The following DKK2 variants were observed in gnomAD, a reference collection of about 807,000 sequenced individuals.
DKK2 encodes dickkopf-related protein 2.
DKK2 carries 11 observed loss-of-function variants against 28.1 expected under a neutral mutation model. The observed-to-expected ratio is 0.39, with a 90% CI of 0.25 to 0.65. The LOEUF (loss-of-function observed/expected upper bound fraction) is 0.65, where lower values mean the gene tolerates loss of function less well. Ranked by LOEUF, DKK2 falls within the 30% of genes least tolerant of loss-of-function variation. The pLI is 0.47. For synonymous variants in DKK2, 135 were observed against 126.5 expected (o/e 1.07, Z -0.45); for missense variants, 326 against 335.5 (o/e 0.97, Z 0.22).
rs113396519 is a variant in DKK2 at position 106,966,969 on chromosome 4, C to T, written c.223-41020G>A. Reference sequence around the variant, plus strand: ...ACAGCCAAACCATATCAATTTCCTTCATTACTATAGTTCATTTGTATATCA... The same window carrying T: ...ACAGCCAAACCATATCAATTTCCTTTATTACTATAGTTCATTTGTATATCA... On this transcript the variant is annotated intron_variant, in intron 1 of 3. Transcript: ENST00000285311. 4.0e-3 allele frequency among the ~76,000 whole-genome samples: 612 copies of T among 152,236 alleles called. 2 individuals carry two copies. The highest frequency in any genetic ancestry group is 0.014 in the African/African-American group (570 of 41,548).
chr4:106,928,957 A>T (rs1173329934), intron 1 of DKK2, among the ~76,000 whole-genome samples: 1 of 152,140 alleles, frequency 6.6e-6, no homozygotes, highest in Non-Finnish European at 1.5e-5. Flanking sequence ...GTAGTTGTGG[A>T]TGACCCTGAA....
At chr4:106,980,195 A>C (rs1327784285) in intron 1 of DKK2, among the ~76,000 whole-genome samples, 2 of 152,158 alleles carry the variant, frequency 1.3e-5, no homozygotes, top group African/African-American at 4.8e-5. Context: ...AACTCAGTAC[A>C]TCTGAAGCAC....
At chr4:107,003,143 T>A (rs985815043) in intron 1 of DKK2, among the ~76,000 whole-genome samples, 1 of 152,126 alleles carries the variant, frequency 6.6e-6, no homozygotes, top group African/African-American at 2.4e-5. Context: ...CTCTCTTAGT[T>A]TTTCGTGGTT....
intron 2 of DKK2, among the ~76,000 whole-genome samples, 199 bp from the exon 3 acceptor site, chr4:106,924,899 T>C (rs184796669): frequency 6.6e-6 from 1 of 152,336 alleles, no homozygotes; most frequent in Admixed American, 6.5e-5. Context: ...AATATGAATT[T>C]TGTCTCTCTC....
At chr4:106,960,397 A>G (rs1020307588) in intron 1 of DKK2, among the ~76,000 whole-genome samples, 1 of 152,124 alleles carries the variant, frequency 6.6e-6, no homozygotes, top group African/African-American at 2.4e-5. Flanking sequence ...ACAGAGTGGT[A>G]GAATGGATAC....
intron 1 of DKK2, among the ~76,000 whole-genome samples, chr4:107,016,665 AGGATGT>A (rs1723609142): frequency 6.6e-6 from 1 of 151,850 alleles, no homozygotes. Context: ...TTTGGATCTA[AGGATGT>A]GTTTTGAAGA....
chr4:106,988,455 T>C (rs1204636044), intron 1 of DKK2, among the ~76,000 whole-genome samples: 1 of 152,212 alleles, frequency 6.6e-6, no homozygotes, highest in Non-Finnish European at 1.5e-5. Flanking sequence ...GTATTTATTA[T>C]GTACCCAAAA....
chr4:107,000,523 T>C (rs1737851795), intron 1 of DKK2, among the ~76,000 whole-genome samples: 1 of 152,200 alleles, frequency 6.6e-6, no homozygotes. Flanking sequence ...ATTTCAATGT[T>C]TTTAAGCATT....
chr4:106,933,960 ATGTGTGTGTG>A (rs138368758), intron 1 of DKK2, among the ~76,000 whole-genome samples: 1 of 146,616 alleles, frequency 6.8e-6, no homozygotes, highest in Non-Finnish European at 1.5e-5. Flanking sequence ...TTTCCTGTAA[ATGTGTGTGTG>A]TGTGTGTGTG....
intron 1 of DKK2, among the ~76,000 whole-genome samples, chr4:106,933,976 GTGTGTGTGTGTA>G (rs1724539378): frequency 6.6e-6 from 1 of 151,228 alleles, no homozygotes; most frequent in African/African-American, 2.4e-5. Context: ...GTGTGTGTGT[GTGTGTGTGTGTA>G]TGTGTATATA....
At chr4:107,000,678 G>A (rs2110364948) in intron 1 of DKK2, among the ~76,000 whole-genome samples, 1 of 152,124 alleles carries the variant, frequency 6.6e-6, no homozygotes, top group Middle Eastern at 3.4e-3. Context: ...GCCCATATAA[G>A]CCATAAGACA....
chr4:106,924,966 A>G (rs1196459079), intron 2 of DKK2, among the ~76,000 whole-genome samples: 1 of 152,200 alleles, frequency 6.6e-6, no homozygotes, highest in African/African-American at 2.4e-5. Context: ...ATATAGTCAC[A>G]AAGTTATTGT....
chr4:106,950,219 G>A (rs142214500), intron 1 of DKK2, among the ~76,000 whole-genome samples: 4 of 152,252 alleles, frequency 2.6e-5, no homozygotes, highest in African/African-American at 9.6e-5. Flanking sequence ...CCCAGTAAAT[G>A]GAAAGTCTAC....
chr4:106,940,842 A>G (rs182568517), intron 1 of DKK2, among the ~76,000 whole-genome samples: 2 of 152,210 alleles, frequency 1.3e-5, no homozygotes, highest in Non-Finnish European at 2.9e-5. Context: ...CATCATTGTC[A>G]GTAAACTATC....
At chr4:106,962,489 CTATGTGTGTGTGTGTGTGTGTG>C (rs1468063741) in intron 1 of DKK2, among the ~76,000 whole-genome samples, 9 of 112,992 alleles carry the variant, frequency 8.0e-5, no homozygotes, top group African/African-American at 1.7e-4. Flanking sequence ...GCCAGAAAAA[CTATGTGTGTGTGTGTGTGTGTG>C]TGTGTGTGTG....
intron 1 of DKK2, among the ~76,000 whole-genome samples, chr4:106,951,057 A>G (rs1203696575): frequency 6.6e-6 from 1 of 152,046 alleles, no homozygotes; most frequent in African/African-American, 2.4e-5. Context: ...TGTTGCCTGT[A>G]AATATAATTA....
At chr4:106,995,302 C>T (rs993441745) in intron 1 of DKK2, among the ~76,000 whole-genome samples, 1 of 152,078 alleles carries the variant, frequency 6.6e-6, no homozygotes, top group Non-Finnish European at 1.5e-5. Context: ...CTTTTTCCTA[C>T]ACGACTTTCT....
intron 1 of DKK2, among the ~76,000 whole-genome samples, chr4:106,929,703 C>G (rs1244665010): frequency 6.6e-6 from 1 of 152,102 alleles, no homozygotes; most frequent in Non-Finnish European, 1.5e-5. Context: ...ACATTGGACA[C>G]ATTTTGAAAA....
chr4:106,986,467 T>C (rs981083426), intron 1 of DKK2, among the ~76,000 whole-genome samples: 1 of 152,220 alleles, frequency 6.6e-6, no homozygotes, highest in African/African-American at 2.4e-5. Flanking sequence ...TTTGGTGTTG[T>C]CATGCAGTCT....
Sources: gnomAD v4.1 joint callset for allele counts (sites outside exome capture counted in the v4.1 genomes callset) on GRCh38, gnomAD v4.1.1 for gene constraint, MANE v1.5 for transcripts, NCBI Gene and HGNC (gene_info 2026-07-23, HGNC 2026-07-21) for gene names.